The following SORCS1 variants were observed in gnomAD, a reference collection of about 807,000 sequenced individuals.
SORCS1 encodes VPS10 domain-containing receptor SorCS1.
Under a neutral mutation model 146.1 loss-of-function variants are expected in SORCS1, and 60 were observed. That is an observed-to-expected ratio of 0.41 (90% confidence interval 0.33 to 0.51). The LOEUF (loss-of-function observed/expected upper bound fraction) is 0.51. SORCS1 is among the 20% of genes least tolerant of loss of function. The probability of loss-of-function intolerance (pLI) is 0.21; values close to 1 mark genes in which losing one functional copy is unlikely to be tolerated. For missense variants in SORCS1, 1,352 were observed against 1,487.6 expected (o/e 0.91, Z 1.50); for synonymous variants, 637 against 584.0 (o/e 1.09, Z -1.31).
At chr10:107,113,614 C>T (rs951122483) in intron 1 of SORCS1, among the ~76,000 whole-genome samples, 6 of 147,972 alleles carry the variant, frequency 4.1e-5, no homozygotes, top group East Asian at 2.0e-4. Context: ...CGCTTGAACC[C>T]GGGAGGCGGA....
chr10:106,926,961 TAAATAG>T, intron 2 of SORCS1, among the ~76,000 whole-genome samples: 1 of 150,788 alleles, frequency 6.6e-6, no homozygotes, highest in South Asian at 2.1e-4. Context: ...GAGTGAAAAA[TAAATAG>T]AAAGAAAAAC....
chr10:106,623,723 T>C lies in SORCS1; in HGVS notation c.2663-3162A>G, dbSNP rs181241222. ...CTCTGCTGCCCAGGCTGGAGTGCAG[T>C]GGCATGATCTCAGCTCACTGCAACC... On this transcript the variant is annotated intron_variant, in intron 19 of 25. Coordinates refer to ENST00000263054, the MANE Select transcript of SORCS1 (RefSeq NM_052918.5). Among the ~76,000 whole-genome samples the C allele has an allele frequency of 1.9e-3, 291 of 152,262 alleles. 2 individuals carry two copies. The highest frequency in any genetic ancestry group is 3.4e-3 in the Middle Eastern group (1 of 294).
chr10:106,896,889 G>GTTT lies in SORCS1; in HGVS notation c.626+59621_626+59623dup, dbSNP rs869027396. ...TTCCATAATCTATGCACCAAATACT[G>GTTT]TTTTTTTTTTTTTTTTTTTGAGATG... On this transcript the variant is annotated intron_variant, in intron 2 of 25. Transcript: ENST00000263054. Among the ~76,000 whole-genome samples the GTTT allele has an allele frequency of 4.8e-4, 58 of 119,874 alleles. 2 individuals are homozygous for GTTT. The highest frequency in any genetic ancestry group is 2.5e-3 in the South Asian group (9 of 3,550). 78.6% of individuals were successfully genotyped at this position (119,874 alleles called of 152,430 possible). A position where few individuals can be genotyped will look rare whatever the true frequency, so the allele number is the denominator to read the frequency against.
chr10:106,813,848 G>C (rs951505953), intron 3 of SORCS1, among the ~76,000 whole-genome samples: 1 of 152,138 alleles, frequency 6.6e-6, no homozygotes, highest in Non-Finnish European at 1.5e-5. Flanking sequence ...ACTTACATTG[G>C]AGGCTGGGGT....
At chr10:107,143,011 A>G (rs1271197700) in intron 1 of SORCS1, among the ~76,000 whole-genome samples, 3 of 152,202 alleles carry the variant, frequency 2.0e-5, no homozygotes, top group Non-Finnish European at 2.9e-5. Context: ...CAGACAAAGG[A>G]TATCACATCA....
intron 3 of SORCS1, among the ~76,000 whole-genome samples, chr10:106,781,492 T>G (rs1002793143): frequency 6.6e-6 from 1 of 152,276 alleles, no homozygotes; most frequent in African/African-American, 2.4e-5. Context: ...ATAAATGCTT[T>G]TCATAATGAT....
chr10:107,139,937 T>C (rs1967668976), intron 1 of SORCS1, among the ~76,000 whole-genome samples: 1 of 152,178 alleles, frequency 6.6e-6, no homozygotes, highest in Admixed American at 6.5e-5. Context: ...ATGTAGAGTG[T>C]TTAAGTAATT....
At chr10:106,750,743 A>AAAAAAAAAAAAAAAAAAAG (rs1858118298) in intron 5 of SORCS1, among the ~76,000 whole-genome samples, 2 of 125,268 alleles carry the variant, frequency 1.6e-5, no homozygotes, top group African/African-American at 3.2e-5. Flanking sequence ...AAAAAAAAAA[A>AAAAAAAAAAAAAAAAAAAG]AAAAAAAAAA....
Position 106,771,167 on chromosome 10 carries a change from C to T in SORCS1, c.885+5367G>A, listed in dbSNP as rs569970690. 8.5e-5 allele frequency among the ~76,000 whole-genome samples: 13 copies of T among 152,316 alleles called. No individual in the cohort carries two copies. In the Middle Eastern group the frequency reaches 0.01, roughly 120 times the overall value. On this transcript the variant is annotated intron_variant, in intron 4 of 25. Coordinates refer to ENST00000263054, the MANE Select transcript of SORCS1 (RefSeq NM_052918.5). The stretch of plus-strand genomic sequence containing the variant: ...ACAGAGGCTCCAAGAGCCCTTACCC[C>T]GGCATAGACAGCAAAGCTGAGGTAT...
At chr10:106,755,973 CA>C (rs1350369972) in intron 5 of SORCS1, among the ~76,000 whole-genome samples, 2 of 151,866 alleles carry the variant, frequency 1.3e-5, no homozygotes, top group Non-Finnish European at 2.9e-5. Context: ...TACTAAAATA[CA>C]AAAAATTAGC....
At chr10:106,979,745 ATTTAAG>A (rs1956175639) in intron 1 of SORCS1, among the ~76,000 whole-genome samples, 1 of 152,170 alleles carries the variant, frequency 6.6e-6, no homozygotes, top group Admixed American at 6.5e-5. Context: ...CCTCTCAGGC[ATTTAAG>A]TTTGTTTAGG....
intron 5 of SORCS1, among the ~76,000 whole-genome samples, chr10:106,760,734 C>A (rs926731266): frequency 6.6e-6 from 1 of 151,606 alleles, no homozygotes; most frequent in Non-Finnish European, 1.5e-5. Context: ...CACACACACA[C>A]ACGCACATTT....
At chr10:106,749,791 T>C (rs11193034) in intron 5 of SORCS1, among the ~76,000 whole-genome samples, 31,133 of 152,158 alleles carry the variant, frequency 0.2, 3,798 homozygotes, top group East Asian at 0.48. Flanking sequence ...ATCACATATG[T>C]AACCAACCTG....
At chr10:106,612,115 C>T in intron 21 of SORCS1, 92 bp from the exon 22 acceptor site, 1 of 972,760 alleles carries the variant, frequency 1.0e-6, no homozygotes, top group Non-Finnish European at 1.6e-6. Flanking sequence ...ATGGAGGGTC[C>T]TTCCCCTTCA....
At chr10:106,857,102 G>A (rs1949815891) in intron 2 of SORCS1, among the ~76,000 whole-genome samples, 1 of 152,148 alleles carries the variant, frequency 6.6e-6, no homozygotes, top group African/African-American at 2.4e-5. Flanking sequence ...TGCCCTGAAA[G>A]CAGTGAACAT....
At chr10:106,970,798 G>C (rs1955744867) in intron 1 of SORCS1, among the ~76,000 whole-genome samples, 1 of 151,750 alleles carries the variant, frequency 6.6e-6, no homozygotes, top group South Asian at 2.1e-4. Context: ...GAGTGCAATG[G>C]CGTGACCCCA....
intron 1 of SORCS1, among the ~76,000 whole-genome samples, chr10:107,129,542 G>C (rs1036533376): frequency 5.3e-5 from 8 of 152,150 alleles, no homozygotes; most frequent in African/African-American, 1.9e-4. Flanking sequence ...AGGTGGAGAC[G>C]GTTTAATGTC....
chr10:106,847,868 G>A (rs1230062559), intron 2 of SORCS1, among the ~76,000 whole-genome samples: 1 of 149,590 alleles, frequency 6.7e-6, no homozygotes, highest in African/African-American at 2.5e-5. Context: ...GGAGCAGGTT[G>A]TTCAGTTTCC....
chr10:107,112,712 C>T (rs78986397), intron 1 of SORCS1, among the ~76,000 whole-genome samples: 1 of 151,888 alleles, frequency 6.6e-6, no homozygotes, highest in Non-Finnish European at 1.5e-5. Context: ...AAATGGCAAC[C>T]AAAAGAGAGC....
Sources: gnomAD v4.1 joint callset for allele counts (sites outside exome capture counted in the v4.1 genomes callset) on GRCh38, gnomAD v4.1.1 for gene constraint, MANE v1.5 for transcripts, NCBI Gene and HGNC (gene_info 2026-07-23, HGNC 2026-07-21) for gene names.